LRRCC1: variants seen among roughly 807,000 people sequenced by gnomAD.
The protein encoded by LRRCC1 is leucine rich repeat and coiled-coil centrosomal protein 1.
In LRRCC1, 115 loss-of-function variants were observed where a neutral mutation model predicts 126.0. The observed-to-expected ratio is 0.91, with a 90% confidence interval of 0.78 to 1.07. The LOEUF (loss-of-function observed/expected upper bound fraction) is 1.07, where lower values mean the gene tolerates loss of function less well. Among genes scored for constraint, LRRCC1 ranks in the 50% least tolerant of loss-of-function variants. The pLI, the probability that LRRCC1 is intolerant of heterozygous loss-of-function variation, is 0.00. For missense variants in LRRCC1, 1,172 were observed against 1,175.7 expected, an observed-to-expected ratio of 1.00 and a Z score of 0.05; for synonymous variants, 400 against 393.4, an observed-to-expected ratio of 1.02 and a Z score of -0.20.
intron 17 of LRRCC1, 46 bp from the exon 18 acceptor site, chr8:85,141,336 A>G (rs377014806): frequency 3.3e-6 from 5 of 1,492,932 alleles, no homozygotes; most frequent in Non-Finnish European, 4.6e-6. Flanking sequence ...CTTTACATTC[A>G]CACCACATAT....
intron 9 of LRRCC1, among the ~76,000 whole-genome samples, chr8:85,128,688 AC>A (rs1327403741): frequency 6.6e-6 from 1 of 152,116 alleles, no homozygotes; most frequent in Non-Finnish European, 1.5e-5. Flanking sequence ...TCTTAAGATC[AC>A]CATGGCCTCA....
At chr8:85,141,545 A>G (rs1470888569) in intron 18 of LRRCC1, 28 bp downstream of exon 18, 3 of 1,526,892 alleles carry the variant, frequency 2.0e-6, no homozygotes, top group Non-Finnish European at 2.7e-6. Context: ...CACTTCAATA[A>G]TCAGTATATT....
Position 85,138,028 on chromosome 8 carries a change from C to G in LRRCC1, c.2494-7C>G. 1.3e-6 allele frequency: 2 copies of G among 1,484,262 alleles called. No homozygotes were observed. Among genetic ancestry groups the G allele is most frequent in the Non-Finnish European group, 1.8e-6 (2 of 1,101,746 alleles). 91.9% of individuals were successfully genotyped at this position (1,484,262 alleles called of 1,614,324 possible). On this transcript the variant is annotated splice_region_variant and splice_polypyrimidine_tract_variant and intron_variant, in intron 15 of 18. Transcript: ENST00000360375. Reference sequence around the variant, plus strand: ...ATAAAAACAAAGTGCCAATTTTTTTCTTAAAGTGTTTACAAGAAAAAGATG... The same window carrying G: ...ATAAAAACAAAGTGCCAATTTTTTTGTTAAAGTGTTTACAAGAAAAAGATG...
At chr8:85,140,870 C>T (rs1187538784) in intron 17 of LRRCC1, among the ~76,000 whole-genome samples, 1 of 152,098 alleles carries the variant, frequency 6.6e-6, no homozygotes, top group Non-Finnish European at 1.5e-5. Context: ...CAAGACCAGC[C>T]TATCCAACGT....
intron 6 of LRRCC1, among the ~76,000 whole-genome samples, chr8:85,116,079 T>A (rs1292767690): frequency 6.6e-6 from 1 of 152,204 alleles, no homozygotes; most frequent in Admixed American, 6.5e-5. Flanking sequence ...TCCTGAGCTG[T>A]TAATCCTTCT....
At position 85,125,053 on chromosome 8, in the gene LRRCC1, G is replaced by A. The variant is rs1587402839; in HGVS notation, c.1272+114G>A. 1.1e-4 allele frequency: 70 copies of A among 643,374 alleles called. No homozygotes were observed. In the East Asian group the frequency reaches 2.3e-3, roughly 21 times the overall value. 39.9% of individuals were successfully genotyped at this position (643,374 alleles called of 1,614,324 possible). ...AGTGTTTGAATTTTATTGGAGTGAT[G>A]AAAATGGGTTATTTTTTCCTTCCTG... is the stretch of plus-strand genomic sequence containing the variant. On this transcript the variant is annotated intron_variant, in intron 8 of 18. Coordinates refer to ENST00000360375, the MANE Select transcript of LRRCC1 (RefSeq NM_033402.5).
chr8:85,121,720 C>T (rs761721455), intron 6 of LRRCC1, among the ~76,000 whole-genome samples: 5 of 152,124 alleles, frequency 3.3e-5, no homozygotes, highest in Non-Finnish European at 5.9e-5. Flanking sequence ...GGATAGAATT[C>T]AGTTTTAATT....
intron 2 of LRRCC1, 119 bp from the exon 3 acceptor site, chr8:85,109,996 G>T: frequency 1.6e-6 from 1 of 607,064 alleles, no homozygotes; most frequent in Non-Finnish European, 2.8e-6. Flanking sequence ...AATTGATTTC[G>T]CTGTTACCAG....
intron 8 of LRRCC1, among the ~76,000 whole-genome samples, chr8:85,125,498 C>T (rs1361231020): frequency 1.3e-5 from 2 of 149,466 alleles, no homozygotes; most frequent in Non-Finnish European, 3.0e-5. Context: ...ATGGTGAAAC[C>T]CCGTCTCTAC....
rs1170183512 is a variant in LRRCC1, at chr8:85,131,833, G to T, written c.1840G>T (p.Glu614Ter). ...TGCCTTAGCTAAAGAAATAGCCAAA[G>T]AAGAGAAAAAGCATGAGCAAATGAT... ...QDALAKEIAK[E>*]EKKHEQMIKE... The change falls in exon 12 of 19, where the codon GAA (glutamate) becomes TAA (stop). Residue 614 changes from glutamate to a stop codon, truncating the protein, a stop_gained. Coordinates refer to ENST00000360375, the MANE Select transcript of LRRCC1 (RefSeq NM_033402.5). LOFTEE classifies it high-confidence loss of function. 1.9e-6 allele frequency: 3 copies of T among 1,613,786 alleles called. No homozygotes were observed. Among genetic ancestry groups the T allele is most frequent in the African/African-American group, 1.3e-5 (1 of 75,018 alleles).
chr8:85,134,890 G>A lies in LRRCC1; in HGVS notation c.2012G>A (p.Ser671Asn), dbSNP rs754100223. 5.7e-6 allele frequency: 9 copies of A among 1,590,270 alleles called. No homozygotes were observed. Among genetic ancestry groups the A allele is most frequent in the South Asian group, 1.2e-5 (1 of 85,564 alleles). The change falls in exon 13 of 19, where the codon AGC (serine) becomes AAC (asparagine). Residue 671 changes from serine to asparagine, a missense_variant. By Grantham distance (46) the Ser-to-Asn change is conservative. Transcript: ENST00000360375. Reference protein sequence around the residue: ...FENVATELAKSKHALIWAQRK... With the variant: ...FENVATELAKNKHALIWAQRK... ...AATGTTGCAACTGAGTTAGCAAAGA[G>A]CAAACATGCTCTTATTTGGGCTCAA...
intron 18 of LRRCC1, among the ~76,000 whole-genome samples, chr8:85,145,093 A>G (rs968801582): frequency 9.1e-6 from 1 of 109,700 alleles, no homozygotes; most frequent in Non-Finnish European, 1.8e-5. Flanking sequence ...AAATAAATAA[A>G]TAAATGCATA....
chr8:85,120,663 G>A (rs1045860601), intron 6 of LRRCC1, among the ~76,000 whole-genome samples: 1 of 151,950 alleles, frequency 6.6e-6, no homozygotes, highest in African/African-American at 2.4e-5. Context: ...TTTCTCTATG[G>A]ATTTGCCTAT....
At position 85,129,971 on chromosome 8, in the gene LRRCC1, T is replaced by C; in HGVS notation, c.1679T>C (p.Ile560Thr). 2 of 1,600,984 alleles carry C rather than the reference T, an allele frequency of 1.2e-6. No individual in the cohort carries two copies. The highest frequency in any genetic ancestry group is 8.5e-7 in the Non-Finnish European group (1 of 1,175,368). ...ELKASAADREIYLLRTSLHRE... is the reference protein window; with the variant it reads ...ELKASAADRETYLLRTSLHRE... ...AAAGCTTCAGCTGCCGATAGAGAAA[T>C]ATACTTACTTAGAACTTCCCTTCAT... Residue 560 changes from isoleucine (I) to threonine (T), a missense_variant, in exon 11 of 19, where the codon ATA becomes ACA. Physicochemically the swap from Ile to Thr is moderately conservative, Grantham distance 89. Transcript: ENST00000360375.
rs556844808 is a variant in LRRCC1 at position 85,145,901 on chromosome 8, T to G, written c.*390T>G. On this transcript the variant is annotated 3_prime_UTR_variant, in exon 19 of 19. Transcript: ENST00000360375. Reference sequence around the variant, plus strand: ...AGAACTAATTATATTTGTTATTTAATTGATGTAGCTCAATTCTTTTAAAGT... The same window carrying G: ...AGAACTAATTATATTTGTTATTTAAGTGATGTAGCTCAATTCTTTTAAAGT... 1 of 153,284 alleles carries G rather than the reference T, an allele frequency of 6.5e-6. No individual in the cohort carries two copies. Among genetic ancestry groups the G allele is most frequent in the South Asian group, 2.0e-4 (1 of 4,890 alleles). The allele number at this position is 153,284 out of a possible 1,614,324, so 9.5% of individuals were successfully genotyped here. A position where few individuals can be genotyped will look rare whatever the true frequency, so the allele number is the denominator to read the frequency against.
At position 85,131,871 on chromosome 8, in the gene LRRCC1, A is replaced by G. The variant is rs1228000802; in HGVS notation, c.1878A>G (p.Gln626=). ...KKHEQMIKEY[Q]EKIDVLSQQY... ...ATGAGCAAATGATAAAAGAATACCA[A>G]GAGAAAATTGACGTGTTAAGCCAGC... Residue 626 remains glutamine, a synonymous_variant, in exon 12 of 19, where the codon CAA becomes CAG. Transcript: ENST00000360375. The G allele has an allele frequency of 1.2e-6, 2 of 1,613,902 alleles. No homozygotes were observed. The highest frequency in any genetic ancestry group is 1.7e-5 in the Admixed American group (1 of 60,028).
intron 3 of LRRCC1, among the ~76,000 whole-genome samples, chr8:85,110,532 C>T (rs1808625921): frequency 6.6e-6 from 1 of 152,204 alleles, no homozygotes; most frequent in Non-Finnish European, 1.5e-5. Context: ...CTAATCTGTG[C>T]TGTTCAATAT....
At chr8:85,129,106 T>C (rs922062405) in intron 9 of LRRCC1, 69 bp from the exon 10 acceptor site, 4 of 1,128,670 alleles carry the variant, frequency 3.5e-6, no homozygotes, top group Admixed American at 4.3e-5. Context: ...AGTACTCTCA[T>C]TGAAGTCAAC....
chr8:85,133,102 C>G (rs1810603543), intron 12 of LRRCC1, among the ~76,000 whole-genome samples: 1 of 152,222 alleles, frequency 6.6e-6, no homozygotes, highest in African/African-American at 2.4e-5. Context: ...CTTCTCCAAC[C>G]TGCTCTCATC....
Sources: allele counts gnomAD v4.1 joint callset (sites outside exome capture counted in the v4.1 genomes callset), GRCh38; gene constraint gnomAD v4.1.1; transcripts MANE v1.5; gene names NCBI Gene and HGNC (gene_info 2026-07-23, HGNC 2026-07-21).